Variants in MTIF2 observed in about 807,000 individuals in gnomAD.
The protein encoded by MTIF2 is translation initiation factor IF-2, mitochondrial.
Under a neutral mutation model 83.5 loss-of-function variants are expected in MTIF2, and 71 were observed. The observed-to-expected ratio is 0.85, with a 90% confidence interval of 0.70 to 1.04. The LOEUF (loss-of-function observed/expected upper bound fraction) is 1.04, where lower values mean the gene tolerates loss of function less well. Among genes scored for constraint, MTIF2 ranks in the 50% least tolerant of loss-of-function variants. The pLI is 0.00. For synonymous variants in MTIF2, 319 were observed against 287.1 expected (o/e 1.11, Z -1.12); for missense variants, 957 against 846.5 (o/e 1.13, Z -1.62).
intron 5 of MTIF2, among the ~76,000 whole-genome samples, chr2:55,260,928 A>T (rs1455855252): frequency 1.3e-5 from 2 of 152,198 alleles, no homozygotes; most frequent in Admixed American, 6.5e-5. Context: ...AAATGACAAT[A>T]ATATGCTCCA....
In MTIF2 at chr2:55,262,381, T is replaced by G. The variant is rs140308189; in HGVS notation, c.266A>C (p.Lys89Thr). The G allele has an allele frequency of 8.9e-5, 143 of 1,613,224 alleles. 1 individual carries two copies. The African/African-American group carries it at 1.8e-3, about 20-fold the overall frequency. The change falls in exon 5 of 16, where the codon AAG becomes ACG. Residue 89 changes from lysine (K) to threonine (T), a missense_variant. Coordinates refer to ENST00000263629, the MANE Select transcript of MTIF2 (RefSeq NM_002453.3). ...KSQLSSTKSK[K>T]VVEVWIGMTI... is the part of the protein sequence containing the mutation. ...CATTCCAATCCATACTTCTACCACC[T>G]TTTTAGATTTTGTTGAAGATAACTG... is the stretch of plus-strand genomic sequence containing the variant.
intron 6 of MTIF2, 58 bp downstream of exon 6, chr2:55,254,596 G>T: frequency 7.5e-7 from 1 of 1,342,112 alleles, no homozygotes. Context: ...ATTAAAAAGT[G>T]TAAATATAAC....
At chr2:55,238,294 C>T (rs755063017) in intron 14 of MTIF2, among the ~76,000 whole-genome samples, 3 of 151,698 alleles carry the variant, frequency 2.0e-5, no homozygotes, top group Non-Finnish European at 2.9e-5. Flanking sequence ...TCGGATGACA[C>T]GCTTGAGCCA....
intron 3 of MTIF2, among the ~76,000 whole-genome samples, chr2:55,266,763 C>CT (rs1216777992): frequency 0.051 from 4,384 of 86,310 alleles, 407 homozygotes; most frequent in African/African-American, 0.12. Flanking sequence ...ACATTTCATT[C>CT]TTTTTTTTTT....
intron 4 of MTIF2, among the ~76,000 whole-genome samples, chr2:55,262,915 A>T (rs1178979944): frequency 6.6e-6 from 1 of 152,016 alleles, no homozygotes; most frequent in African/African-American, 2.4e-5. Flanking sequence ...TTTCAGTAGA[A>T]ACAGGGTTTC....
intron 3 of MTIF2, among the ~76,000 whole-genome samples, chr2:55,264,409 G>GT (rs1042945616): frequency 2.0e-5 from 3 of 151,988 alleles, no homozygotes; most frequent in East Asian, 1.9e-4. Flanking sequence ...TTTTTTGTTT[G>GT]TTTTTTTGGT....
rs145704920 is a variant in MTIF2 at position 55,250,712 on chromosome 2, C to T, written c.842-1178G>A. Among the ~76,000 whole-genome samples the T allele has an allele frequency of 1.1e-3, 174 of 152,286 alleles. 2 individuals are homozygous for T. In the East Asian group the frequency reaches 0.023, roughly 20 times the overall value. The stretch of plus-strand genomic sequence containing the variant: ...TTTAGAGAAATCACACAAAATTCTA[C>T]GAGGTAATTCTGTGGTTGCATTTCA... On this transcript the variant is annotated intron_variant, in intron 8 of 15. Coordinates refer to ENST00000263629, the MANE Select transcript of MTIF2 (RefSeq NM_002453.3).
At chr2:55,245,046 C>CA (rs61700562) in intron 10 of MTIF2, among the ~76,000 whole-genome samples, 16,619 of 150,728 alleles carry the variant, frequency 0.11, 1,114 homozygotes, top group East Asian at 0.29. Flanking sequence ...GACTGCAACT[C>CA]AAAAAAAGAA....
intron 3 of MTIF2, among the ~76,000 whole-genome samples, chr2:55,264,467 G>T (rs1488086476): frequency 6.6e-6 from 1 of 152,134 alleles, no homozygotes; most frequent in Non-Finnish European, 1.5e-5. Flanking sequence ...AAACTCCCGG[G>T]ATCTAGTGAT....
chr2:55,262,168 A>G, intron 5 of MTIF2, 148 bp downstream of exon 5: 1 of 635,346 alleles, frequency 1.6e-6, no homozygotes, highest in Non-Finnish European at 2.8e-6. Context: ...AGGGATTATG[A>G]CTTAAAGTGA....
intron 5 of MTIF2, among the ~76,000 whole-genome samples, chr2:55,261,467 C>T (rs1457158698): frequency 1.3e-5 from 2 of 151,340 alleles, no homozygotes; most frequent in African/African-American, 4.9e-5. Context: ...ATTAGCCGGG[C>T]GTGGTTGTGG....
intron 4 of MTIF2, 107 bp downstream of exon 4, chr2:55,263,533 C>G: frequency 1.2e-6 from 1 of 814,884 alleles, no homozygotes; most frequent in Non-Finnish European, 1.9e-6. Context: ...TTGCTTAAAC[C>G]CAAGAGGCGT....
At chr2:55,249,967 C>T (rs1321359214) in intron 8 of MTIF2, among the ~76,000 whole-genome samples, 1 of 152,088 alleles carries the variant, frequency 6.6e-6, no homozygotes, top group Non-Finnish European at 1.5e-5. Context: ...GTGGCATGCA[C>T]CTGTAATCCC....
intron 13 of MTIF2, 36 bp downstream of exon 13, chr2:55,242,904 G>C (rs1676428627): frequency 6.3e-7 from 1 of 1,586,394 alleles, no homozygotes; most frequent in South Asian, 1.2e-5. Context: ...TGTTATTTGG[G>C]GAACACAGAT....
chr2:55,263,961 G>T, intron 3 of MTIF2, 96 bp from the exon 4 acceptor site: 2 of 897,192 alleles, frequency 2.2e-6, no homozygotes, highest in Non-Finnish European at 3.4e-6. Flanking sequence ...ACTACACTTA[G>T]CTCACTAGAC....
chr2:55,249,314 T>C, intron 9 of MTIF2, 81 bp downstream of exon 9: 1 of 1,480,260 alleles, frequency 6.8e-7, no homozygotes, highest in Non-Finnish European at 9.1e-7. Context: ...TACATCAAAA[T>C]GTTCTTTAGA....
intron 9 of MTIF2, among the ~76,000 whole-genome samples, chr2:55,247,146 A>G (rs558067334): frequency 2.6e-5 from 4 of 152,310 alleles, no homozygotes; most frequent in African/African-American, 7.2e-5. Flanking sequence ...TGTGCTCTCT[A>G]GGGCTCCAAG....
intron 11 of MTIF2, 62 bp from the exon 12 acceptor site, chr2:55,243,730 C>G (rs1225544046): frequency 2.6e-6 from 4 of 1,536,272 alleles, no homozygotes; most frequent in Admixed American, 1.9e-5. Flanking sequence ...AGATTAAAGC[C>G]TTTGTGTTGT....
chr2:55,237,338 T>C lies in MTIF2; in HGVS notation c.1961A>G (p.Glu654Gly). The C allele has an allele frequency of 6.2e-7, 1 of 1,613,008 alleles. No individual in the cohort carries two copies. The highest frequency in any genetic ancestry group is 8.5e-7 in the Non-Finnish European group (1 of 1,179,928). The change falls in exon 15 of 16, where the codon GAA becomes GGA. Residue 654 changes from glutamate (E) to glycine (G), a missense_variant. By Grantham distance (98) the Glu-to-Gly change is moderately conservative (BLOSUM62 -2). Coordinates refer to ENST00000263629, the MANE Select transcript of MTIF2 (RefSeq NM_002453.3). Reference sequence around the variant, plus strand: ...GGTTAGTTTAAATTTTTTTTGTTTTTCTAACTGTCCCTTTTGGACTCTGCA... The same window carrying C: ...GGTTAGTTTAAATTTTTTTTGTTTTCCTAACTGTCCCTTTTGGACTCTGCA... ...AGCRVQKGQL[E>G]KQKKFKLTRN...
Sources: allele counts gnomAD v4.1 joint callset (sites outside exome capture counted in the v4.1 genomes callset), GRCh38; gene constraint gnomAD v4.1.1; transcripts MANE v1.5; gene names NCBI Gene and HGNC (gene_info 2026-07-23, HGNC 2026-07-21).